Variants in CUL4A observed in about 807,000 individuals in gnomAD.
CUL4A encodes cullin-4A.
In CUL4A, 16 loss-of-function variants were observed where a neutral mutation model predicts 95.5. That is an observed-to-expected ratio of 0.17 (90% CI 0.11 to 0.25). The LOEUF is 0.25. Ranked by LOEUF, CUL4A falls within the 10% of genes least tolerant of loss-of-function variation. The pLI is 1.00. For synonymous variants in CUL4A, 380 were observed against 353.1 expected, an observed-to-expected ratio of 1.08 and a Z score of -0.85; for missense variants, 610 against 937.0, an observed-to-expected ratio of 0.65 and a Z score of 4.56.
At chr13:113,248,086 G>T (rs2041902074) in intron 15 of CUL4A, among the ~76,000 whole-genome samples, 1 of 152,082 alleles carries the variant, frequency 6.6e-6, no homozygotes, top group African/African-American at 2.4e-5. Context: ...CTGTGAAGGT[G>T]CTGGCTGGTT....
At chr13:113,228,508 TC>T (rs2041189610) in intron 4 of CUL4A, among the ~76,000 whole-genome samples, 1 of 152,116 alleles carries the variant, frequency 6.6e-6, no homozygotes, top group African/African-American at 2.4e-5. Context: ...GTTGAAATCT[TC>T]CGTTTTCTAA....
Position 113,254,783 on chromosome 13 carries a change from A to G in CUL4A, c.1843A>G (p.Met615Val). ...GDGFSFEEIK[M>V]ATGIEDSELR... ...TGGCTTCAGCTTTGAGGAGATAAAA[A>G]TGGCCACGGGGATAGGTACGAAAAC... Residue 615 changes from methionine (M) to valine (V), a missense_variant, in exon 17 of 20, where the codon ATG becomes GTG. Physicochemically the swap from Met to Val is conservative, Grantham distance 21. Coordinates refer to ENST00000375440, the MANE Select transcript of CUL4A (RefSeq NM_001008895.4). The G allele has an allele frequency of 6.2e-7, 1 of 1,613,542 alleles. No individual in the cohort carries two copies. The highest frequency in any genetic ancestry group is 8.5e-7 in the Non-Finnish European group (1 of 1,179,742).
At chr13:113,229,729 G>A (rs902728260) in intron 5 of CUL4A, 34 of 539,566 alleles carry the variant, frequency 6.3e-5, no homozygotes, top group Non-Finnish European at 9.4e-5. Context: ...AGTGGAGCAG[G>A]AAGCTCGGAC....
chr13:113,263,913 GGTTT>G lies in CUL4A; in HGVS notation c.*335_*338del, dbSNP rs1473838304. 1.0e-5 allele frequency: 2 copies of G among 195,762 alleles called. No homozygotes were observed. Among genetic ancestry groups the G allele is most frequent in the African/African-American group, 4.6e-5 (2 of 43,052 alleles). The allele number at this position is 195,762 out of a possible 1,614,324, so 12.1% of individuals were successfully genotyped here. A position where few individuals can be genotyped will look rare whatever the true frequency, so the allele number is the denominator to read the frequency against. On this transcript the variant is annotated 3_prime_UTR_variant, in exon 20 of 20. Coordinates refer to ENST00000375440, the MANE Select transcript of CUL4A (RefSeq NM_001008895.4). ...TCTTGTGTCAAAAAGCTGCAAGTTT[GGTTT>G]GTTCTCGTGTGTGATCATGAGTGCA...
chr13:113,234,004 T>G lies in CUL4A; in HGVS notation c.765+18T>G, dbSNP rs1049850480. 1.3e-6 allele frequency: 2 copies of G among 1,528,644 alleles called. No individual in the cohort carries two copies. The highest frequency in any genetic ancestry group is 1.8e-5 in the Admixed American group (1 of 56,836). 94.7% of individuals were successfully genotyped at this position (1,528,644 alleles called of 1,614,324 possible). ...AAAGAGAGGTGAGATGATGGGATGT[T>G]TCCGAATCCCCTGGCTTCGTTTCTG... On this transcript the variant is annotated intron_variant, in intron 7 of 19. Coordinates refer to ENST00000375440, the MANE Select transcript of CUL4A (RefSeq NM_001008895.4).
At chr13:113,230,942 T>TA (rs1595379376) in intron 5 of CUL4A, among the ~76,000 whole-genome samples, 1 of 152,008 alleles carries the variant, frequency 6.6e-6, no homozygotes, top group East Asian at 1.9e-4. Context: ...GACTAACTTC[T>TA]AAAAATTTTT....
intron 9 of CUL4A, among the ~76,000 whole-genome samples, chr13:113,238,344 A>G (rs1203149498): frequency 6.6e-6 from 1 of 152,062 alleles, no homozygotes; most frequent in Non-Finnish European, 1.5e-5. Flanking sequence ...CCAGCTACTC[A>G]GGAGGGTGAG....
At chr13:113,235,227 G>T (rs1437092298) in intron 8 of CUL4A, 82 bp downstream of exon 8, 2 of 945,732 alleles carry the variant, frequency 2.1e-6, no homozygotes, top group African/African-American at 3.3e-5. Context: ...AATAAAGGGT[G>T]TCTTTGTCAA....
At chr13:113,223,874 A>T (rs544775355) in intron 3 of CUL4A, among the ~76,000 whole-genome samples, 2 of 152,252 alleles carry the variant, frequency 1.3e-5, no homozygotes, top group African/African-American at 4.8e-5. Context: ...TAAATTCTGC[A>T]CTTAGCTGTC....
At position 113,254,735 on chromosome 13, in the gene CUL4A, C is replaced by A. The variant is rs1452932830; in HGVS notation, c.1795C>A (p.Leu599Ile). ...GGTGTCCCTCTTCCAGACACTGGTG[C>A]TCCTCATGTTCAACGAGGGAGATGG... Reference protein sequence around the residue: ...FQVSLFQTLVLLMFNEGDGFS... With the variant: ...FQVSLFQTLVILMFNEGDGFS... The change falls in exon 17 of 20, where the codon CTC becomes ATC. Residue 599 changes from leucine (L) to isoleucine (I), a missense_variant. Coordinates refer to ENST00000375440, the MANE Select transcript of CUL4A (RefSeq NM_001008895.4). 1.9e-6 allele frequency: 3 copies of A among 1,613,122 alleles called. No homozygotes were observed. The highest frequency in any genetic ancestry group is 2.5e-6 in the Non-Finnish European group (3 of 1,179,798).
intron 18 of CUL4A, among the ~76,000 whole-genome samples, chr13:113,257,169 C>T (rs2042151534): frequency 6.6e-6 from 1 of 152,046 alleles, no homozygotes; most frequent in Non-Finnish European, 1.5e-5. Context: ...AGGTGAGTCA[C>T]CCATCTCGGC....
Position 113,246,442 on chromosome 13 carries a change from C to T in CUL4A, c.1638+379C>T, listed in dbSNP as rs564131854. Among the ~76,000 whole-genome samples, 8 of 152,344 alleles carry T rather than the reference C, an allele frequency of 5.3e-5. No individual in the cohort carries two copies. The South Asian group carries it at 1.7e-3, about 32-fold the overall frequency. ...TTTGTCAGCCACTACTTTAGCTACA[C>T]TAAACCCTTCAGTGGAGGGTTTGCA... On this transcript the variant is annotated intron_variant, in intron 15 of 19. Coordinates refer to ENST00000375440, the MANE Select transcript of CUL4A (RefSeq NM_001008895.4).
intron 3 of CUL4A, among the ~76,000 whole-genome samples, chr13:113,224,927 A>G (rs2041046882): frequency 6.6e-6 from 1 of 152,230 alleles, no homozygotes. Context: ...CTGTCGGTAC[A>G]GGCAGCAGAT....
chr13:113,243,868 G>A (rs2041788994), intron 11 of CUL4A, among the ~76,000 whole-genome samples: 1 of 152,218 alleles, frequency 6.6e-6, no homozygotes, highest in African/African-American at 2.4e-5. Flanking sequence ...GAGCTCTTGG[G>A]AGTTTGGGCT....
chr13:113,254,650 T>C, intron 16 of CUL4A, 43 bp from the exon 17 acceptor site: 1 of 1,317,356 alleles, frequency 7.6e-7, no homozygotes, highest in Non-Finnish European at 1.1e-6. Flanking sequence ...TCAAAGATTG[T>C]ACATGCACAG....
chr13:113,220,586 A>G (rs957089196), intron 3 of CUL4A, among the ~76,000 whole-genome samples: 1 of 152,214 alleles, frequency 6.6e-6, no homozygotes, highest in Admixed American at 6.5e-5. Context: ...CAGATGCCCA[A>G]GCCTTCTCCC....
intron 2 of CUL4A, among the ~76,000 whole-genome samples, chr13:113,216,767 A>G (rs1405672608): frequency 1.3e-5 from 2 of 152,218 alleles, no homozygotes; most frequent in Non-Finnish European, 2.9e-5. Flanking sequence ...AGCACAAAAA[A>G]GTCTTCCAGT....
intron 15 of CUL4A, among the ~76,000 whole-genome samples, chr13:113,251,036 G>A (rs980805184): frequency 9.8e-5 from 15 of 152,304 alleles, no homozygotes; most frequent in East Asian, 7.7e-4. Flanking sequence ...AAAAGGGCAC[G>A]TCAAGTCTAG....
At chr13:113,223,159 T>C (rs544463073) in intron 3 of CUL4A, among the ~76,000 whole-genome samples, 1 of 152,232 alleles carries the variant, frequency 6.6e-6, no homozygotes, top group Non-Finnish European at 1.5e-5. Flanking sequence ...GCACTGTGCG[T>C]TGGGGACCAG....
Sources: allele counts gnomAD v4.1 joint callset (sites outside exome capture counted in the v4.1 genomes callset), GRCh38; gene constraint gnomAD v4.1.1; transcripts MANE v1.5; gene names NCBI Gene and HGNC (gene_info 2026-07-23, HGNC 2026-07-21).